Variants in DNAH5 observed in about 807,000 individuals in gnomAD.
DNAH5 encodes axonemal beta dynein heavy chain 5.
In DNAH5, 372 loss-of-function variants were observed where a neutral mutation model predicts 518.2. The ratio of observed to expected loss-of-function variants is 0.72; its 90% CI spans 0.66 to 0.78. The LOEUF (loss-of-function observed/expected upper bound fraction) is 0.78. Among genes scored for constraint, DNAH5 ranks in the 30% least tolerant of loss-of-function variants. The pLI is 0.00. For missense variants in DNAH5, 5,523 were observed against 5,687.0 expected (o/e 0.97, Z 0.93); for synonymous variants, 2,039 against 2,025.9 (o/e 1.01, Z -0.17).
intron 38 of DNAH5, among the ~76,000 whole-genome samples, chr5:13,827,028 T>C (rs1158044774): frequency 6.6e-6 from 1 of 152,172 alleles, no homozygotes; most frequent in Non-Finnish European, 1.5e-5. Flanking sequence ...GGGGAACTTG[T>C]TGGGAACTGG....
At chr5:13,984,988 T>C (rs1169113238) in intron 1 of DNAH5, among the ~76,000 whole-genome samples, 4 of 152,184 alleles carry the variant, frequency 2.6e-5, no homozygotes, top group East Asian at 1.9e-4. Context: ...TGTATGTTTA[T>C]TGCGGCACTA....
intron 52 of DNAH5, among the ~76,000 whole-genome samples, chr5:13,783,335 G>T (rs111660774): frequency 1.3e-5 from 2 of 152,176 alleles, no homozygotes; most frequent in African/African-American, 4.8e-5. Context: ...TCCAGACAAT[G>T]TATCCAGATT....
rs1368593049 is a variant in DNAH5 at position 13,917,124 on chromosome 5, G to A, written c.1089+19C>T. ...AAAGGGTTATCTATAGACTGAAAGA[G>A]TAGAAATCCTTAACTCACGGGATCA... On this transcript the variant is annotated intron_variant, in intron 8 of 78. Transcript: ENST00000265104. 1 of 1,574,332 alleles carries A rather than the reference G, an allele frequency of 6.4e-7. No individual in the cohort carries two copies. Among genetic ancestry groups the A allele is most frequent in the African/African-American group, 1.3e-5 (1 of 74,114 alleles).
At position 13,762,453 on chromosome 5, in the gene DNAH5, A is replaced by G. The variant is rs191081863; in HGVS notation, c.10281+269T>C. On this transcript the variant is annotated intron_variant, in intron 60 of 78. Coordinates refer to ENST00000265104, the MANE Select transcript of DNAH5 (RefSeq NM_001369.3). ...TTTTTTCAAGTTAACATTGTGGAGG[A>G]AAAATATCGAGCAGCCCACAATGGA... Among the ~76,000 whole-genome samples the G allele has an allele frequency of 4.9e-4, 74 of 152,160 alleles. No homozygotes were observed. In the Middle Eastern group the frequency reaches 0.014, roughly 28 times the overall value.
chr5:13,718,803 C>T, intron 72 of DNAH5, 79 bp downstream of exon 72: 1 of 1,214,380 alleles, frequency 8.2e-7, no homozygotes, highest in Non-Finnish European at 1.2e-6. Context: ...TGTATCCTAG[C>T]TAATCCTTTT....
chr5:13,749,306 G>A (rs745558009), intron 65 of DNAH5, among the ~76,000 whole-genome samples: 1 of 152,090 alleles, frequency 6.6e-6, no homozygotes, highest in Non-Finnish European at 1.5e-5. Context: ...TATTTACTGT[G>A]AGCCCAGAAC....
intron 35 of DNAH5, among the ~76,000 whole-genome samples, chr5:13,831,176 T>C (rs1358789302): frequency 1.3e-5 from 2 of 152,196 alleles, no homozygotes; most frequent in East Asian, 3.8e-4. Context: ...CAGATCGGGA[T>C]CCTTTCAAAT....
intron 14 of DNAH5, chr5:13,900,643 T>G: frequency 1.8e-6 from 1 of 559,974 alleles, no homozygotes; most frequent in South Asian, 2.1e-5. Flanking sequence ...TTTCAATGAC[T>G]CTAACACTGA....
chr5:13,754,634 G>A (rs1342815908), intron 61 of DNAH5, among the ~76,000 whole-genome samples: 1 of 151,976 alleles, frequency 6.6e-6, no homozygotes, highest in Non-Finnish European at 1.5e-5. Flanking sequence ...TGCCTCCCGG[G>A]TTCAAGTGAT....
chr5:13,993,649 T>A (rs1783722024), intron 1 of DNAH5, among the ~76,000 whole-genome samples: 11 of 152,222 alleles, frequency 7.2e-5, no homozygotes, highest in Admixed American at 7.2e-4. Context: ...GAATCTTATA[T>A]CCCGTCTTCC....
intron 75 of DNAH5, 143 bp from the exon 76 acceptor site, chr5:13,708,478 A>G (rs1370258490): frequency 3.9e-6 from 3 of 760,306 alleles, no homozygotes; most frequent in East Asian, 5.4e-5. Flanking sequence ...GGCAAAAAGA[A>G]AAAAAAAAAG....
At chr5:13,954,538 G>T (rs536129142) in intron 1 of DNAH5, among the ~76,000 whole-genome samples, 1 of 152,314 alleles carries the variant, frequency 6.6e-6, no homozygotes, top group African/African-American at 2.4e-5. Context: ...CTTAAATAAA[G>T]TCTGCAAGCT....
chr5:13,802,526 G>A (rs953766871), intron 47 of DNAH5, among the ~76,000 whole-genome samples: 6 of 152,090 alleles, frequency 3.9e-5, no homozygotes, highest in Admixed American at 2.6e-4. Context: ...CTCCTCCTCC[G>A]GACTCCACAG....
rs772099697 is a variant in DNAH5 at position 13,871,680 on chromosome 5, G to A, written c.3482C>T (p.Thr1161Ile). The A allele has an allele frequency of 1.2e-6, 2 of 1,613,754 alleles. No individual in the cohort carries two copies. The highest frequency in any genetic ancestry group is 2.2e-5 in the South Asian group (2 of 91,080). Residue 1161 changes from threonine to isoleucine, a missense_variant, in exon 23 of 79, where the codon ACA becomes ATA. By Grantham distance (89) the Thr-to-Ile change is moderately conservative. This residue lies in a region of DNAH5 where 5,121 missense variants were observed against 5,223.3 expected (regional missense o/e 0.98). Coordinates refer to ENST00000265104, the MANE Select transcript of DNAH5 (RefSeq NM_001369.3). ...AAATTCAGAAAGCAAGGGGCTCTGT[G>A]TAATAAATGTCTTAATGGCTTCTTC... ...GKEEAIKTFI[T>I]QSPLLSEFES...
chr5:13,764,049 C>T (rs1220441007), intron 59 of DNAH5, among the ~76,000 whole-genome samples: 3 of 152,186 alleles, frequency 2.0e-5, no homozygotes, highest in Non-Finnish European at 4.4e-5. Context: ...TTGAGCAATG[C>T]TGAATTGAAA....
Position 13,741,840 on chromosome 5 carries a change from A to G in DNAH5, c.11212-4345T>C, listed in dbSNP as rs142237662. Among the ~76,000 whole-genome samples, 1,146 of 152,256 alleles carry G rather than the reference A, an allele frequency of 7.5e-3. 8 individuals are homozygous for G. Among genetic ancestry groups the G allele is most frequent in the Non-Finnish European group, 0.012 (806 of 68,012 alleles). On this transcript the variant is annotated intron_variant, in intron 65 of 78. Coordinates refer to ENST00000265104, the MANE Select transcript of DNAH5 (RefSeq NM_001369.3). ...TTACAGCTCTCAAAACCCTTCAGCCACTTGACATTTGCCATGTTTTAAAAC... is the reference window on the plus strand; with the variant it reads ...TTACAGCTCTCAAAACCCTTCAGCCGCTTGACATTTGCCATGTTTTAAAAC...
Position 13,814,764 on chromosome 5 carries a change from T to A in DNAH5, c.7071A>T (p.Lys2357Asn). The A allele has an allele frequency of 6.2e-7, 1 of 1,614,040 alleles. No individual in the cohort carries two copies. The highest frequency in any genetic ancestry group is 8.5e-7 in the Non-Finnish European group (1 of 1,180,020). ...ENLNSVLDDNKTLTLANGDRI... is the reference protein window; with the variant it reads ...ENLNSVLDDNNTLTLANGDRI... ...GATCACCATTGGCAAGGGTTAGAGT[T>A]TTGTTATCATCCAAAACAGAATTCA... Residue 2357 changes from lysine to asparagine, a missense_variant, in exon 43 of 79, where the codon AAA becomes AAT. By Grantham distance (94) the Lys-to-Asn change is moderately conservative. Transcript: ENST00000265104.
At position 13,882,787 on chromosome 5, in the gene DNAH5, G is replaced by A; in HGVS notation, c.3203C>T (p.Ala1068Val). The A allele has an allele frequency of 6.2e-7, 1 of 1,614,014 alleles. No individual in the cohort carries two copies. Among genetic ancestry groups the A allele is most frequent in the Non-Finnish European group, 8.5e-7 (1 of 1,179,916 alleles). ...KKKIQERKMAALQSNEDSDSD... is the reference protein window; with the variant it reads ...KKKIQERKMAVLQSNEDSDSD... The stretch of plus-strand genomic sequence containing the variant: ...ATCACTGTCTTCATTACTCTGCAAA[G>A]CAGCCATTTTTCTTTCTTGTATCTT... The change falls in exon 21 of 79, where the codon GCT becomes GTT. Residue 1068 changes from alanine (A) to valine (V), a missense_variant. By Grantham distance (64) the Ala-to-Val change is moderately conservative. Around this residue, in one of 3 missense-constraint regions of DNAH5, gnomAD observed 5,121 missense variants for 5,223.3 expected, o/e 0.98. Coordinates refer to ENST00000265104, the MANE Select transcript of DNAH5 (RefSeq NM_001369.3).
intron 11 of DNAH5, 124 bp downstream of exon 11, chr5:13,913,619 T>C (rs1580862385): frequency 1.9e-6 from 2 of 1,073,416 alleles, no homozygotes; most frequent in East Asian, 5.3e-5. Context: ...TAAAAGGCCA[T>C]GAGATTATTT....
Sources: allele counts gnomAD v4.1 joint callset (sites outside exome capture counted in the v4.1 genomes callset), GRCh38; gene constraint gnomAD v4.1.1; regional missense constraint gnomAD v4.1.1; transcripts MANE v1.5; gene names NCBI Gene and HGNC (gene_info 2026-07-23, HGNC 2026-07-21).